LARP4: variants seen among roughly 807,000 people sequenced by gnomAD.
LARP4 encodes La ribonucleoprotein 4.
Under a neutral mutation model 92.9 loss-of-function variants are expected in LARP4, and 29 were observed. That is an observed-to-expected ratio of 0.31 (90% CI 0.23 to 0.43). The LOEUF (loss-of-function observed/expected upper bound fraction) is 0.43. Among genes scored for constraint, LARP4 ranks in the 20% least tolerant of loss-of-function variants. The probability of loss-of-function intolerance (pLI) is 1.00; values close to 1 mark genes in which losing one functional copy is unlikely to be tolerated. For synonymous variants in LARP4, 279 were observed against 284.1 expected, an observed-to-expected ratio of 0.98 and a Z score of 0.18; for missense variants, 732 against 860.0, an observed-to-expected ratio of 0.85 and a Z score of 1.86.
At chr12:50,402,043 A>G (rs552235899) in intron 1 of LARP4, among the ~76,000 whole-genome samples, 11 of 152,320 alleles carry the variant, frequency 7.2e-5, no homozygotes, top group African/African-American at 2.4e-4. Flanking sequence ...AACTATGCCC[A>G]TAAGAAGAAT....
intron 8 of LARP4, among the ~76,000 whole-genome samples, chr12:50,452,150 AC>A (rs1264860418): frequency 6.6e-6 from 1 of 152,178 alleles, no homozygotes; most frequent in Non-Finnish European, 1.5e-5. Flanking sequence ...TAGTGCAGAT[AC>A]CCTTCAGCAT....
chr12:50,453,536 C>T lies in LARP4; in HGVS notation c.881C>T (p.Pro294Leu), dbSNP rs760146452. The T allele has an allele frequency of 3.1e-6, 5 of 1,612,726 alleles. No homozygotes were observed. The Admixed American group carries it at 8.3e-5, about 27-fold the overall frequency. ...ATGGATTCTAGTATCTATAGTCACC[C>T]CATTCAAACTCAAGCACAGTATGCC... The part of the protein sequence containing the change: ...RLMDSSIYSH[P>L]IQTQAQYASP... The change falls in exon 9 of 16, where the codon CCC becomes CTC. Residue 294 changes from proline to leucine, a missense_variant. Physicochemically the swap from Pro to Leu is moderately conservative, Grantham distance 98. Coordinates refer to ENST00000398473, the MANE Select transcript of LARP4 (RefSeq NM_052879.5).
chr12:50,409,982 G>A (rs1185866694), intron 1 of LARP4, among the ~76,000 whole-genome samples: 3 of 151,424 alleles, frequency 2.0e-5, no homozygotes, highest in South Asian at 2.1e-4. Flanking sequence ...AGTAGAGACG[G>A]GGTTTCTCCA....
At chr12:50,471,130 A>G (rs2139088957) in intron 13 of LARP4, among the ~76,000 whole-genome samples, 1 of 152,296 alleles carries the variant, frequency 6.6e-6, no homozygotes, top group East Asian at 1.9e-4. Flanking sequence ...TCTCTAAAAA[A>G]ATAATAATTT....
At chr12:50,422,778 A>ATT (rs1948020289) in intron 1 of LARP4, among the ~76,000 whole-genome samples, 1 of 136,792 alleles carries the variant, frequency 7.3e-6, no homozygotes, top group Non-Finnish European at 1.5e-5. Flanking sequence ...CAGTTGGGAA[A>ATT]TTATATTATT....
Position 50,451,746 on chromosome 12 carries a change from A to G in LARP4, c.805-1714A>G, listed in dbSNP as rs571909986. Reference sequence around the variant, plus strand: ...CAGCTACTCTGGAGGCTGAGGCAGGATAATTGCTAGAACCTAGGAGGTGGA... The same window carrying G: ...CAGCTACTCTGGAGGCTGAGGCAGGGTAATTGCTAGAACCTAGGAGGTGGA... On this transcript the variant is annotated intron_variant, in intron 8 of 15. Coordinates refer to ENST00000398473, the MANE Select transcript of LARP4 (RefSeq NM_052879.5). 3.3e-5 allele frequency among the ~76,000 whole-genome samples: 5 copies of G among 152,266 alleles called. No homozygotes were observed. In the South Asian group the frequency reaches 1.0e-3, roughly 32 times the overall value.
chr12:50,407,025 G>GT (rs1944971058), intron 1 of LARP4, among the ~76,000 whole-genome samples: 2 of 140,882 alleles, frequency 1.4e-5, no homozygotes, highest in Non-Finnish European at 3.1e-5. Flanking sequence ...CATCTTAACA[G>GT]TTTTTTTGTT....
At chr12:50,434,845 C>A (rs973095518) in intron 4 of LARP4, among the ~76,000 whole-genome samples, 3 of 151,812 alleles carry the variant, frequency 2.0e-5, no homozygotes, top group Admixed American at 6.6e-5. Context: ...GAGATCGAGA[C>A]CATCCTGGCT....
At chr12:50,404,711 G>A (rs1944479850) in intron 1 of LARP4, among the ~76,000 whole-genome samples, 1 of 140,216 alleles carries the variant, frequency 7.1e-6, no homozygotes, top group South Asian at 2.3e-4. Flanking sequence ...TTTTTGAGAC[G>A]GAGTTTCCAC....
intron 8 of LARP4, 79 bp from the exon 9 acceptor site, chr12:50,453,381 A>T: frequency 1.2e-6 from 1 of 822,394 alleles, no homozygotes; most frequent in Non-Finnish European, 2.0e-6. Flanking sequence ...CATGTAAAAT[A>T]TATGTTAAAA....
At chr12:50,403,065 G>T (rs1317186677) in intron 1 of LARP4, among the ~76,000 whole-genome samples, 2 of 152,200 alleles carry the variant, frequency 1.3e-5, no homozygotes, top group Non-Finnish European at 2.9e-5. Flanking sequence ...ATTATTCTCA[G>T]TGAGAGAACC....
In LARP4 at chr12:50,453,664, A is replaced by G; in HGVS notation, c.1009A>G (p.Thr337Ala). 1.3e-6 allele frequency: 2 copies of G among 1,579,948 alleles called. No homozygotes were observed. The highest frequency in any genetic ancestry group is 1.7e-6 in the Non-Finnish European group (2 of 1,151,194). ...WSPNPTPYFE[T>A]PLAPFPNGSF... ...TCCAAATCCTACACCTTACTTTGAAACACCACTGGTAAGTGAGATCCTTAC... is the reference window on the plus strand; with the variant it reads ...TCCAAATCCTACACCTTACTTTGAAGCACCACTGGTAAGTGAGATCCTTAC... Residue 337 changes from threonine (T) to alanine (A), a missense_variant, in exon 9 of 16, where the codon ACA becomes GCA. This residue lies in a region of LARP4 where 264 missense variants were observed against 269.5 expected (regional missense o/e 0.98). Transcript: ENST00000398473.
rs750726141 is a variant in LARP4, at chr12:50,435,484, T to TG, written c.399-4_399-3insG. 34 of 1,520,752 alleles carry TG rather than the reference T, an allele frequency of 2.2e-5. No homozygotes were observed. The highest frequency in any genetic ancestry group is 2.2e-4 in the African/African-American group (16 of 73,766). The allele number at this position is 1,520,752 out of a possible 1,614,324, so 94.2% of individuals were successfully genotyped here. ...TGTTTTATAGGACTATTTTGTTTTT[T>TG]CAGAGAAAATTTGTCAAAGGATCTT... On this transcript the variant is annotated splice_polypyrimidine_tract_variant and splice_region_variant and intron_variant, in intron 4 of 15. Coordinates refer to ENST00000398473, the MANE Select transcript of LARP4 (RefSeq NM_052879.5).
intron 8 of LARP4, among the ~76,000 whole-genome samples, chr12:50,445,398 G>C (rs1379797669): frequency 6.6e-6 from 1 of 151,922 alleles, no homozygotes; most frequent in Admixed American, 6.6e-5. Flanking sequence ...GTTTCCAGTA[G>C]GTTGGCTATG....
chr12:50,428,619 T>TC (rs376702607), intron 2 of LARP4, among the ~76,000 whole-genome samples: 3 of 152,278 alleles, frequency 2.0e-5, no homozygotes, highest in Non-Finnish European at 4.4e-5. Context: ...TATGCTTTTT[T>TC]CCCTCCATCT....
intron 8 of LARP4, among the ~76,000 whole-genome samples, chr12:50,453,030 C>T (rs1056461275): frequency 6.6e-6 from 1 of 151,718 alleles, no homozygotes; most frequent in African/African-American, 2.4e-5. Flanking sequence ...CCCACTCTGC[C>T]TCCCAAGCAG....
At chr12:50,435,269 G>A (rs79131041) in intron 4 of LARP4, among the ~76,000 whole-genome samples, 13,949 of 152,174 alleles carry the variant, frequency 0.092, 1,321 homozygotes, top group East Asian at 0.45. Flanking sequence ...TTGAGATACT[G>A]TAAAAGTTAT....
chr12:50,461,258 C>T lies in LARP4; in HGVS notation c.1245C>T (p.Pro415=), dbSNP rs770055278. ...SRNFPAERHN[P]TVTGHQEQTY... ...ACTTTCCAGCTGAACGGCATAACCC[C>T]ACAGTAACTGGGCATCAGGAGCAAA... The change falls in exon 11 of 16, where the codon CCC becomes CCT. Residue 415 remains proline (P), a synonymous_variant. Coordinates refer to ENST00000398473, the MANE Select transcript of LARP4 (RefSeq NM_052879.5). The T allele has an allele frequency of 6.2e-6, 10 of 1,613,918 alleles. No homozygotes were observed. Among genetic ancestry groups the T allele is most frequent in the Middle Eastern group, 3.3e-4 (2 of 6,084 alleles).
At chr12:50,425,432 G>A (rs931054646) in intron 1 of LARP4, among the ~76,000 whole-genome samples, 2 of 152,192 alleles carry the variant, frequency 1.3e-5, no homozygotes, top group Admixed American at 6.5e-5. Flanking sequence ...AGGAAAGAGA[G>A]GGAGAGAATA....
Sources: allele counts gnomAD v4.1 joint callset (sites outside exome capture counted in the v4.1 genomes callset), GRCh38; gene constraint gnomAD v4.1.1; regional missense constraint gnomAD v4.1.1; transcripts MANE v1.5; gene names NCBI Gene and HGNC (gene_info 2026-07-23, HGNC 2026-07-21).